The following RBFOX3 variants were observed in gnomAD, a reference collection of about 807,000 sequenced individuals.
RBFOX3 encodes RNA binding protein fox-1 homolog 3.
In RBFOX3, 17 loss-of-function variants were observed where a neutral mutation model predicts 48.7. The ratio of observed to expected loss-of-function variants is 0.35; its 90% CI spans 0.24 to 0.52. RBFOX3 has a LOEUF of 0.52. RBFOX3 is among the 20% of genes least tolerant of loss of function. The probability of loss-of-function intolerance (pLI) is 0.94; values close to 1 mark genes in which losing one functional copy is unlikely to be tolerated. For missense variants in RBFOX3, 382 were observed against 497.5 expected (o/e 0.77, Z 2.21); for synonymous variants, 212 against 209.5 (o/e 1.01, Z -0.10).
At chr17:79,407,302 C>T (rs1372750160) in intron 2 of RBFOX3, among the ~76,000 whole-genome samples, 1 of 152,258 alleles carries the variant, frequency 6.6e-6, no homozygotes, top group African/African-American at 2.4e-5. Context: ...GCCACCTTGC[C>T]TGCCCTGTTT....
intron 3 of RBFOX3, among the ~76,000 whole-genome samples, chr17:79,305,282 C>T (rs920878611): frequency 6.6e-6 from 1 of 152,090 alleles, no homozygotes; most frequent in Non-Finnish European, 1.5e-5. Flanking sequence ...CAAGCCCTGC[C>T]GTCATAGCTA....
chr17:79,468,279 G>A (rs887302593), intron 2 of RBFOX3, among the ~76,000 whole-genome samples: 1 of 152,144 alleles, frequency 6.6e-6, no homozygotes, highest in Non-Finnish European at 1.5e-5. Context: ...ATGGATACCT[G>A]CATAGATGGA....
chr17:79,570,334 T>C (rs2092628217), intron 1 of RBFOX3, among the ~76,000 whole-genome samples: 2 of 152,010 alleles, frequency 1.3e-5, no homozygotes. Flanking sequence ...GATAGGTGGA[T>C]TACAGATAGA....
At chr17:79,250,653 T>TA (rs1291904449) in intron 3 of RBFOX3, among the ~76,000 whole-genome samples, 3 of 152,168 alleles carry the variant, frequency 2.0e-5, no homozygotes, top group African/African-American at 7.2e-5. Context: ...CTCTGATTTA[T>TA]AAAAATAAAG....
intron 1 of RBFOX3, among the ~76,000 whole-genome samples, chr17:79,609,887 C>T (rs1249025032): frequency 3.9e-5 from 6 of 151,944 alleles, no homozygotes; most frequent in African/African-American, 9.7e-5. Context: ...CCCGAGCGTG[C>T]GAGCCCAACA....
intron 1 of RBFOX3, chr17:79,598,994 A>G (rs1599258952): frequency 6.6e-6 from 1 of 151,776 alleles, no homozygotes; most frequent in East Asian, 1.9e-4. Context: ...CCCCTCCCCA[A>G]CCTTCCACCC....
At chr17:79,613,391 G>C (rs997957338), upstream of RBFOX3, among the ~76,000 whole-genome samples, 1 of 152,254 alleles carries the variant, frequency 6.6e-6, no homozygotes, top group African/African-American at 2.4e-5. Context: ...CTCAGCTGTC[G>C]TAGACAGGGA....
intron 1 of RBFOX3, among the ~76,000 whole-genome samples, chr17:79,497,989 G>T (rs374453237): frequency 0.037 from 5,619 of 152,334 alleles, 159 homozygotes; most frequent in Non-Finnish European, 0.058. Context: ...GGCTCCAGAA[G>T]GTTATGGTGG....
intron 2 of RBFOX3, among the ~76,000 whole-genome samples, chr17:79,342,119 C>T (rs2082201541): frequency 6.6e-6 from 1 of 152,168 alleles, no homozygotes; most frequent in South Asian, 2.1e-4. Flanking sequence ...TGGTGCAGCT[C>T]GTGTTTAGGG....
chr17:79,110,475 CTGT>C (rs2030741830), intron 5 of RBFOX3, among the ~76,000 whole-genome samples: 1 of 152,328 alleles, frequency 6.6e-6, no homozygotes, highest in South Asian at 2.1e-4. Context: ...GACCCGGTGG[CTGT>C]TGTTGGCACG....
intron 14 of RBFOX3, 172 bp downstream of exon 14, chr17:79,094,279 C>G: frequency 4.0e-6 from 2 of 498,400 alleles, no homozygotes; most frequent in Non-Finnish European, 7.0e-6. Flanking sequence ...ACTGAGAGGG[C>G]GTGAGGGGCC....
At chr17:79,380,861 C>G (rs921697623) in intron 2 of RBFOX3, among the ~76,000 whole-genome samples, 1 of 151,874 alleles carries the variant, frequency 6.6e-6, no homozygotes, top group Non-Finnish European at 1.5e-5. Flanking sequence ...CGTCGCTCCA[C>G]GAGGCACCTG....
chr17:79,225,226 C>A (rs1055972431), intron 4 of RBFOX3, among the ~76,000 whole-genome samples: 1 of 151,948 alleles, frequency 6.6e-6, no homozygotes, highest in African/African-American at 2.4e-5. Context: ...CAATCTCAAG[C>A]TTCCTCCCTG....
chr17:79,639,571 C>T, the RBFOX3 span, among the ~76,000 whole-genome samples: 1 of 152,138 alleles, frequency 6.6e-6, no homozygotes, highest in Non-Finnish European at 1.5e-5. Flanking sequence ...CTCTGATGAA[C>T]ATAGATGCAA....
intron 2 of RBFOX3, among the ~76,000 whole-genome samples, chr17:79,441,604 C>A (rs1274249257): frequency 6.6e-6 from 1 of 152,214 alleles, no homozygotes; most frequent in African/African-American, 2.4e-5. Context: ...AAGGAGTTAG[C>A]CCTGCCAATA....
At chr17:79,620,493 ACG>A in the RBFOX3 span, among the ~76,000 whole-genome samples, 5 of 134,142 alleles carry the variant, frequency 3.7e-5, no homozygotes, top group Non-Finnish European at 5.9e-5. Context: ...ACGTGCACAC[ACG>A]CGCACACACA....
At chr17:79,592,028 C>G (rs1466908418) in intron 1 of RBFOX3, among the ~76,000 whole-genome samples, 1 of 148,282 alleles carries the variant, frequency 6.7e-6, no homozygotes, top group Admixed American at 6.7e-5. Context: ...AGTGTGTGCA[C>G]ACATGCATGT....
chr17:79,173,066 C>A (rs376010171), intron 4 of RBFOX3, among the ~76,000 whole-genome samples: 1 of 152,062 alleles, frequency 6.6e-6, no homozygotes, highest in Non-Finnish European at 1.5e-5. Flanking sequence ...AGAAATTAGC[C>A]GGGTGTGGTG....
intron 4 of RBFOX3, among the ~76,000 whole-genome samples, chr17:79,145,029 G>A (rs1181348552): frequency 2.0e-5 from 3 of 152,204 alleles, no homozygotes; most frequent in Non-Finnish European, 2.9e-5. Context: ...CTCTCAGCAG[G>A]GACTGGCACT....
Sources: allele counts gnomAD v4.1 joint callset (sites outside exome capture counted in the v4.1 genomes callset), GRCh38; gene constraint gnomAD v4.1.1; transcripts MANE v1.5; gene names NCBI Gene and HGNC (gene_info 2026-07-23, HGNC 2026-07-21).